Variants in CENPP observed in about 807,000 individuals in gnomAD.
CENPP encodes the protein centromere protein P.
In CENPP, 24 loss-of-function variants were observed where a neutral mutation model predicts 35.6. That is an observed-to-expected ratio of 0.67 (90% confidence interval 0.49 to 0.95). The LOEUF is 0.95. CENPP is among the 40% of genes least tolerant of loss of function. The pLI, the probability that CENPP is intolerant of heterozygous loss-of-function variation, is 0.00. For synonymous variants in CENPP, 120 were observed against 125.5 expected (o/e 0.96, Z 0.29); for missense variants, 332 against 345.3 (o/e 0.96, Z 0.31).
chr9:92,470,622 A>G (rs1845475967), intron 5 of CENPP: 1 of 1,010,160 alleles, frequency 9.9e-7, no homozygotes, highest in South Asian at 1.6e-5. Context: ...TAGCAAAGAT[A>G]CAGAGTTTTC....
chr9:92,499,354 G>T (rs1196477498), intron 5 of CENPP, among the ~76,000 whole-genome samples: 1 of 152,158 alleles, frequency 6.6e-6, no homozygotes. Flanking sequence ...AGCCCTAGTT[G>T]ATGAGCAAAA....
chr9:92,394,705 A>G (rs1001900414), intron 5 of CENPP, among the ~76,000 whole-genome samples: 50 of 151,886 alleles, frequency 3.3e-4, no homozygotes, highest in African/African-American at 1.2e-3. Flanking sequence ...CCCGGGTTCA[A>G]GCAATTCTCC....
intron 5 of CENPP, chr9:92,415,564 T>C (rs976771626): frequency 2.5e-5 from 15 of 594,030 alleles, no homozygotes; most frequent in Non-Finnish European, 3.6e-5. Context: ...TTATATTGTA[T>C]GGGATATAAT....
At chr9:92,541,220 C>T (rs1239707668) in intron 5 of CENPP, among the ~76,000 whole-genome samples, 5 of 152,164 alleles carry the variant, frequency 3.3e-5, no homozygotes, top group African/African-American at 1.2e-4. Flanking sequence ...GATTGCGCCA[C>T]TGCACGCCAG....
At chr9:92,331,843 C>A (rs1218798499) in intron 1 of CENPP, among the ~76,000 whole-genome samples, 3 of 151,974 alleles carry the variant, frequency 2.0e-5, no homozygotes, top group African/African-American at 7.3e-5. Flanking sequence ...TACCTGTGGT[C>A]CCAGCTACTC....
In CENPP at chr9:92,619,627, C is replaced by G. The variant is rs1851560176; in HGVS notation, c.*6478C>G. 1 of 1,420,240 alleles carries G rather than the reference C, an allele frequency of 7.0e-7. No homozygotes were observed. The highest frequency in any genetic ancestry group is 2.5e-5 in the East Asian group (1 of 40,338). The allele number at this position is 1,420,240 out of a possible 1,614,324, so 88.0% of individuals were successfully genotyped here. ...GGAAGCCTCTGCCCCCCCACACAAC[C>G]TTCCTTCCCAGTAGCCAAGTGTGGG... is the stretch of plus-strand genomic sequence containing the variant. On this transcript the variant is annotated 3_prime_UTR_variant, in exon 8 of 8. Coordinates refer to ENST00000375587, the MANE Select transcript of CENPP (RefSeq NM_001012267.3).
intron 5 of CENPP, among the ~76,000 whole-genome samples, chr9:92,420,768 A>G (rs1843767494): frequency 6.6e-6 from 1 of 150,758 alleles, no homozygotes; most frequent in Admixed American, 6.6e-5. Context: ...TTTTTTTTTT[A>G]ACAATATGTG....
intron 5 of CENPP, among the ~76,000 whole-genome samples, chr9:92,411,373 C>T (rs1325926437): frequency 6.6e-6 from 1 of 152,108 alleles, no homozygotes; most frequent in African/African-American, 2.4e-5. Context: ...CATTTCACTG[C>T]AATGTCCACT....
At chr9:92,461,008 A>G (rs1306775343) in intron 5 of CENPP, among the ~76,000 whole-genome samples, 2 of 152,192 alleles carry the variant, frequency 1.3e-5, no homozygotes, top group Admixed American at 6.5e-5. Flanking sequence ...ACTTCTTATT[A>G]TGGTAAAATT....
At chr9:92,510,827 G>T (rs988924789) in intron 5 of CENPP, among the ~76,000 whole-genome samples, 1 of 152,164 alleles carries the variant, frequency 6.6e-6, no homozygotes, top group Non-Finnish European at 1.5e-5. Flanking sequence ...ACCCCCTAAT[G>T]CTAGCCATTT....
intron 5 of CENPP, among the ~76,000 whole-genome samples, chr9:92,573,867 C>T (rs189252835): frequency 5.9e-5 from 9 of 152,326 alleles, no homozygotes; most frequent in African/African-American, 1.9e-4. Flanking sequence ...TAGCAGTGAG[C>T]GAGGCTTCGT....
At chr9:92,579,215 A>G (rs1850358817) in intron 5 of CENPP, among the ~76,000 whole-genome samples, 1 of 148,094 alleles carries the variant, frequency 6.8e-6, no homozygotes, top group African/African-American at 2.5e-5. Flanking sequence ...CTTGTAGTAT[A>G]GTTTGAAGTC....
intron 5 of CENPP, chr9:92,500,936 A>G: frequency 6.2e-7 from 1 of 1,614,228 alleles, no homozygotes; most frequent in Non-Finnish European, 8.5e-7. Flanking sequence ...GGCCAAACAC[A>G]TAGCCAGGGA....
At chr9:92,368,402 C>T (rs774203946) in intron 4 of CENPP, among the ~76,000 whole-genome samples, 6 of 152,204 alleles carry the variant, frequency 3.9e-5, no homozygotes, top group Non-Finnish European at 8.8e-5. Context: ...AAGGGATACT[C>T]AGCCTGTATT....
At chr9:92,365,406 C>CTTTTT (rs33952600) in intron 4 of CENPP, among the ~76,000 whole-genome samples, 15 of 81,502 alleles carry the variant, frequency 1.8e-4, no homozygotes, top group African/African-American at 6.7e-4. Flanking sequence ...TATAACTACT[C>CTTTTT]TTTTTTTTTT....
At position 92,345,769 on chromosome 9, in the gene CENPP, T is replaced by G; in HGVS notation, c.449T>G (p.Leu150Ter). The change falls in exon 4 of 8, where the codon TTA becomes TGA. Residue 150 changes from leucine (L) to a stop codon, truncating the protein, a stop_gained. Transcript: ENST00000375587. LOFTEE classifies it high-confidence loss of function. ...ATGGAGCCCACAGAATGCTCAGAATTAAGTGAATTTGTGTCTAGGTAAGCT... is the reference window on the plus strand; with the variant it reads ...ATGGAGCCCACAGAATGCTCAGAATGAAGTGAATTTGTGTCTAGGTAAGCT... ...IIMEPTECSE[L>*]SEFVSRAEER... The G allele has an allele frequency of 6.3e-7, 1 of 1,599,860 alleles. No individual in the cohort carries two copies. The highest frequency in any genetic ancestry group is 1.1e-5 in the South Asian group (1 of 90,156).
chr9:92,436,008 A>G (rs1844237880), intron 5 of CENPP, among the ~76,000 whole-genome samples: 1 of 152,176 alleles, frequency 6.6e-6, no homozygotes, highest in African/African-American at 2.4e-5. Flanking sequence ...CAGCTGCACC[A>G]TTTTACATTC....
chr9:92,456,912 G>C, intron 5 of CENPP: 1 of 1,005,332 alleles, frequency 9.9e-7, no homozygotes, highest in Non-Finnish European at 1.2e-6. Flanking sequence ...AAATGAAAGA[G>C]CACAAATTTT....
chr9:92,479,054 G>C (rs1295334579), intron 5 of CENPP, among the ~76,000 whole-genome samples: 1 of 152,276 alleles, frequency 6.6e-6, no homozygotes, highest in Admixed American at 6.5e-5. Context: ...GTCAAGAGAG[G>C]CTTCCCCAGT....
Sources: allele counts gnomAD v4.1 joint callset (sites outside exome capture counted in the v4.1 genomes callset), GRCh38; gene constraint gnomAD v4.1.1; transcripts MANE v1.5; gene names NCBI Gene and HGNC (gene_info 2026-07-23, HGNC 2026-07-21).